MTUS2: variants seen among roughly 807,000 people sequenced by gnomAD.
The protein encoded by MTUS2 is microtubule associated scaffold protein 2, also known as microtubule-associated tumor suppressor candidate 2.
Under a neutral mutation model 114.1 loss-of-function variants are expected in MTUS2, and 40 were observed. That is an observed-to-expected ratio of 0.35 (90% CI 0.27 to 0.46). The LOEUF is 0.46. MTUS2 is among the 20% of genes least tolerant of loss of function. The probability of loss-of-function intolerance (pLI) is 1.00; values close to 1 mark genes in which losing one functional copy is unlikely to be tolerated. For synonymous variants in MTUS2, 688 were observed against 672.0 expected (o/e 1.02, Z -0.37); for missense variants, 1,679 against 1,705.4 (o/e 0.98, Z 0.27).
chr13:29,206,300 G>A (rs1895182071), intron 5 of MTUS2, among the ~76,000 whole-genome samples: 1 of 152,146 alleles, frequency 6.6e-6, no homozygotes, highest in Non-Finnish European at 1.5e-5. Context: ...ATAGATTCTG[G>A]ATATCAGTCC....
At chr13:28,857,620 C>T (rs1045534441) in intron 2 of MTUS2, among the ~76,000 whole-genome samples, 3 of 152,078 alleles carry the variant, frequency 2.0e-5, no homozygotes, top group African/African-American at 7.2e-5. Flanking sequence ...TTAATAAATA[C>T]TGAAGGGAAT....
At chr13:29,010,189 C>T (rs1179047831) in intron 2 of MTUS2, among the ~76,000 whole-genome samples, 4 of 141,788 alleles carry the variant, frequency 2.8e-5, no homozygotes, top group African/African-American at 7.9e-5. Flanking sequence ...CCAGCCTGGG[C>T]GACAGAGCAA....
chr13:29,454,296 G>A (rs1214265104), intron 9 of MTUS2, among the ~76,000 whole-genome samples: 1 of 152,198 alleles, frequency 6.6e-6, no homozygotes, highest in African/African-American at 2.4e-5. Context: ...TAGCCAGTCA[G>A]AAAGATGATT....
At chr13:28,870,473 A>C (rs1363484571) in intron 2 of MTUS2, among the ~76,000 whole-genome samples, 1 of 152,142 alleles carries the variant, frequency 6.6e-6, no homozygotes, top group Non-Finnish European at 1.5e-5. Context: ...TCATTTTTTC[A>C]GTGAAGTTCT....
intron 9 of MTUS2, among the ~76,000 whole-genome samples, chr13:29,446,915 G>A (rs555074438): frequency 5.3e-5 from 8 of 152,272 alleles, no homozygotes; most frequent in African/African-American, 1.2e-4. Context: ...TCCCTATGGA[G>A]TGGCTGAATT....
chr13:29,475,677 A>T (rs552699617), intron 9 of MTUS2, among the ~76,000 whole-genome samples: 5 of 152,312 alleles, frequency 3.3e-5, no homozygotes, highest in African/African-American at 1.2e-4. Flanking sequence ...TAAAAATTTT[A>T]AAAATAGAAA....
intron 1 of MTUS2, among the ~76,000 whole-genome samples, chr13:28,829,628 A>C (rs1874522358): frequency 1.3e-5 from 2 of 152,214 alleles, no homozygotes; most frequent in Non-Finnish European, 2.9e-5. Context: ...GAAAATTGTC[A>C]CTATATGATT....
intron 12 of MTUS2, 67 bp downstream of exon 12, chr13:29,492,786 A>T (rs1227369628): frequency 1.6e-6 from 2 of 1,262,980 alleles, no homozygotes; most frequent in East Asian, 4.7e-5. Context: ...CCCACCCACA[A>T]ACATTCATTC....
At chr13:29,248,032 A>T (rs1221678193) in intron 5 of MTUS2, among the ~76,000 whole-genome samples, 2 of 152,272 alleles carry the variant, frequency 1.3e-5, no homozygotes, top group Non-Finnish European at 2.9e-5. Context: ...GAATAAGCAG[A>T]ATGTGACATA....
chr13:28,903,874 A>G (rs1205065357), intron 2 of MTUS2, among the ~76,000 whole-genome samples: 1 of 152,030 alleles, frequency 6.6e-6, no homozygotes, highest in African/African-American at 2.4e-5. Context: ...TTACAGTCCC[A>G]CCAACAGTGT....
chr13:29,417,668 A>G (rs1440635955), intron 8 of MTUS2, among the ~76,000 whole-genome samples: 1 of 151,862 alleles, frequency 6.6e-6, no homozygotes, highest in Admixed American at 6.6e-5. Flanking sequence ...ACTCTTTATT[A>G]TATTTTTGTT....
intron 5 of MTUS2, among the ~76,000 whole-genome samples, chr13:29,142,815 G>A (rs6490360): frequency 0.41 from 62,453 of 152,058 alleles, 14,246 homozygotes; most frequent in Non-Finnish European, 0.48. Context: ...TCTTGTTTTT[G>A]AAAAAGGGTA....
intron 5 of MTUS2, among the ~76,000 whole-genome samples, chr13:29,226,769 TG>T (rs1196165251): frequency 6.6e-6 from 1 of 152,168 alleles, no homozygotes; most frequent in Admixed American, 6.5e-5. Context: ...GAAAAATATT[TG>T]AATAAATAGA....
chr13:28,942,678 T>C (rs919966005), intron 2 of MTUS2, among the ~76,000 whole-genome samples: 6 of 152,214 alleles, frequency 3.9e-5, no homozygotes, highest in African/African-American at 1.4e-4. Context: ...ATCTCAGTGT[T>C]GAGTGAATGC....
chr13:28,956,054 G>C (rs1883045321), intron 2 of MTUS2, among the ~76,000 whole-genome samples: 1 of 140,042 alleles, frequency 7.1e-6, no homozygotes, highest in Admixed American at 7.5e-5. Context: ...TCTGTCTCTT[G>C]CCCCCCCCCA....
intron 2 of MTUS2, among the ~76,000 whole-genome samples, chr13:28,999,139 G>C (rs1325692211): frequency 6.6e-6 from 1 of 152,176 alleles, no homozygotes; most frequent in Non-Finnish European, 1.5e-5. Flanking sequence ...GTCTGTTGGA[G>C]TTTGCTGGAG....
chr13:29,502,727 G>C (rs1010173172), intron 15 of MTUS2, among the ~76,000 whole-genome samples: 1 of 152,210 alleles, frequency 6.6e-6, no homozygotes, highest in Non-Finnish European at 1.5e-5. Context: ...CCTTTGCTCT[G>C]TCCAGTGGAC....
chr13:29,106,588 C>T (rs1890678374), intron 5 of MTUS2, among the ~76,000 whole-genome samples: 1 of 152,130 alleles, frequency 6.6e-6, no homozygotes, highest in African/African-American at 2.4e-5. Flanking sequence ...AACTCCTGAC[C>T]TTGTGATCCA....
chr13:28,899,038 G>A (rs1325345824), intron 2 of MTUS2, among the ~76,000 whole-genome samples: 1 of 152,148 alleles, frequency 6.6e-6, no homozygotes, highest in African/African-American at 2.4e-5. Context: ...TTGGCAAGGA[G>A]GATGTCTCAG....
Sources: allele counts gnomAD v4.1 joint callset (sites outside exome capture counted in the v4.1 genomes callset), GRCh38; gene constraint gnomAD v4.1.1; transcripts MANE v1.5; gene names NCBI Gene and HGNC (gene_info 2026-07-23, HGNC 2026-07-21).